The following RFX3 variants were observed in gnomAD, a reference collection of about 807,000 sequenced individuals.
RFX3 encodes the protein regulatory factor X3, also known as transcription factor RFX3.
In RFX3, 14 loss-of-function variants were observed where a neutral mutation model predicts 98.6. That is an observed-to-expected ratio of 0.14 (90% CI 0.09 to 0.22). RFX3 has a LOEUF of 0.22. Among genes scored for constraint, RFX3 ranks in the 10% least tolerant of loss-of-function variants. RFX3 has a pLI of 1.00. For synonymous variants in RFX3, 383 were observed against 328.4 expected, an observed-to-expected ratio of 1.17 and a Z score of -1.80; for missense variants, 639 against 926.9, an observed-to-expected ratio of 0.69 and a Z score of 4.03.
chr9:3,227,708 A>G (rs1233652600), intron 16 of RFX3, among the ~76,000 whole-genome samples: 1 of 152,178 alleles, frequency 6.6e-6, no homozygotes, highest in African/African-American at 2.4e-5. Flanking sequence ...TGGGACACGG[A>G]TATCAATTAC....
At chr9:3,513,708 C>T (rs1012424546) in intron 1 of RFX3, among the ~76,000 whole-genome samples, 1 of 152,168 alleles carries the variant, frequency 6.6e-6, no homozygotes, top group Non-Finnish European at 1.5e-5. Context: ...ACAAATTACT[C>T]TGATCTGTAT....
chr9:3,414,479 T>C (rs149541571), intron 1 of RFX3, among the ~76,000 whole-genome samples: 176 of 151,162 alleles, frequency 1.2e-3, no homozygotes, highest in African/African-American at 3.9e-3. Context: ...TAAATACCAC[T>C]AACATATATA....
At chr9:3,497,899 C>G (rs1037183785) in intron 1 of RFX3, among the ~76,000 whole-genome samples, 1 of 151,872 alleles carries the variant, frequency 6.6e-6, no homozygotes, top group Admixed American at 6.6e-5. Context: ...TCACAAATAC[C>G]TAATTTCTGC....
At chr9:3,499,409 C>T (rs554904767) in intron 1 of RFX3, among the ~76,000 whole-genome samples, 10 of 151,952 alleles carry the variant, frequency 6.6e-5, no homozygotes, top group African/African-American at 2.4e-4. Context: ...TTTTTCATCA[C>T]TTTTGGACAG....
Position 3,242,522 on chromosome 9 carries a change from T to C in RFX3, c.1968+5510A>G, listed in dbSNP as rs145401798. Among the ~76,000 whole-genome samples the C allele has an allele frequency of 6.3e-3, 956 of 152,270 alleles. 19 individuals carry two copies. The highest frequency in any genetic ancestry group is 4.5e-3 in the Non-Finnish European group (307 of 67,986). ...TTTAAAGTGTATTCCCTAGTCACACTAGCACAATGCTTGCTAAAATTTGTT... is the reference window on the plus strand; with the variant it reads ...TTTAAAGTGTATTCCCTAGTCACACCAGCACAATGCTTGCTAAAATTTGTT... On this transcript the variant is annotated intron_variant, in intron 15 of 16. Transcript: ENST00000617270.
intron 4 of RFX3, 120 bp from the exon 5 acceptor site, chr9:3,301,740 G>C (rs541521399): frequency 3.2e-6 from 2 of 623,512 alleles, no homozygotes; most frequent in Non-Finnish European, 5.6e-6. Context: ...TTAATGAACA[G>C]TTGCCACTTA....
At position 3,259,383 on chromosome 9, in the gene RFX3, A is replaced by C. The variant is rs571872246; in HGVS notation, c.1606-2184T>G. Reference sequence around the variant, plus strand: ...ACTTTATATTATACTTCATTTTACTACTCTCTAAAGTGAAAATATACTAAC... The same window carrying C: ...ACTTTATATTATACTTCATTTTACTCCTCTCTAAAGTGAAAATATACTAAC... On this transcript the variant is annotated intron_variant, in intron 13 of 16. Coordinates refer to ENST00000617270, the MANE Select transcript of RFX3 (RefSeq NM_001282116.2). Among the ~76,000 whole-genome samples, 5 of 152,006 alleles carry C rather than the reference A, an allele frequency of 3.3e-5. No individual in the cohort carries two copies. In the South Asian group the frequency reaches 1.0e-3, roughly 32 times the overall value.
At chr9:3,489,393 T>A in intron 1 of RFX3, 1 of 983,868 alleles carries the variant, frequency 1.0e-6, no homozygotes, top group Non-Finnish European at 1.2e-6. Flanking sequence ...GTGGAAGGCC[T>A]GTCTTTAAAG....
In RFX3 at chr9:3,522,717, C is replaced by T. The variant is rs145309495; in HGVS notation, c.-9+3030G>A. On this transcript the variant is annotated intron_variant, in intron 1 of 16. Transcript: ENST00000617270. ...TGCTAATTTCTTCAGCTGGAGAATACCAACACAATATCAACTTTCTCAAGA... is the reference window on the plus strand; with the variant it reads ...TGCTAATTTCTTCAGCTGGAGAATATCAACACAATATCAACTTTCTCAAGA... 2.5e-3 allele frequency among the ~76,000 whole-genome samples: 375 copies of T among 152,162 alleles called. 5 individuals carry two copies. Among genetic ancestry groups the T allele is most frequent in the Admixed American group, 2.9e-3 (45 of 15,284 alleles).
intron 2 of RFX3, among the ~76,000 whole-genome samples, chr9:3,374,026 C>A (rs1048170148): frequency 6.6e-6 from 1 of 151,830 alleles, no homozygotes; most frequent in South Asian, 2.1e-4. Context: ...TGCAGTGAGT[C>A]GAGATGGCAC....
At chr9:3,329,737 TTAA>T (rs897774862) in intron 4 of RFX3, among the ~76,000 whole-genome samples, 1 of 152,150 alleles carries the variant, frequency 6.6e-6, no homozygotes, top group African/African-American at 2.4e-5. Context: ...ACATATTAAG[TTAA>T]TAATAATACA....
At chr9:3,290,651 T>C (rs1563869745) in intron 6 of RFX3, among the ~76,000 whole-genome samples, 1 of 152,218 alleles carries the variant, frequency 6.6e-6, no homozygotes, top group African/African-American at 2.4e-5. Context: ...GACAATCACA[T>C]TCTTCAGTTT....
At chr9:3,388,262 A>G (rs1839930673) in intron 2 of RFX3, among the ~76,000 whole-genome samples, 1 of 152,138 alleles carries the variant, frequency 6.6e-6, no homozygotes, top group South Asian at 2.1e-4. Context: ...CCTAAAGATT[A>G]ACAGATCATT....
In RFX3 at chr9:3,423,666, A is replaced by G. The variant is rs112114256; in HGVS notation, c.-8-28070T>C. Among the ~76,000 whole-genome samples the G allele has an allele frequency of 7.4e-3, 1,122 of 151,766 alleles. 11 individuals carry two copies. The highest frequency in any genetic ancestry group is 0.026 in the African/African-American group (1,067 of 41,440). On this transcript the variant is annotated intron_variant, in intron 1 of 16. Transcript: ENST00000617270. The stretch of plus-strand genomic sequence containing the variant: ...TGGGTACAAGGGAGCTTCGGGAAGT[A>G]TAAAAATGTTCTACAACTTGATTAT...
At chr9:3,257,860 C>A (rs1284693538) in intron 13 of RFX3, among the ~76,000 whole-genome samples, 1 of 152,142 alleles carries the variant, frequency 6.6e-6, no homozygotes, top group Admixed American at 6.6e-5. Flanking sequence ...AAAATGTAGA[C>A]GTGCTTCCTG....
intron 2 of RFX3, among the ~76,000 whole-genome samples, chr9:3,392,801 CA>C (rs1373992369): frequency 6.6e-6 from 1 of 151,954 alleles, no homozygotes; most frequent in Non-Finnish European, 1.5e-5. Flanking sequence ...GGCAATCCTG[CA>C]AACTAGAAGA....
intron 2 of RFX3, among the ~76,000 whole-genome samples, chr9:3,358,058 T>C (rs1185089759): frequency 6.6e-6 from 1 of 152,036 alleles, no homozygotes; most frequent in African/African-American, 2.4e-5. Context: ...GTGGAAAAAT[T>C]GGTTAATTTG....
chr9:3,493,087 G>C (rs1850840150), intron 1 of RFX3, among the ~76,000 whole-genome samples: 1 of 152,062 alleles, frequency 6.6e-6, no homozygotes, highest in Admixed American at 6.6e-5. Flanking sequence ...GAGGGTCCTA[G>C]CATGGTGCCA....
In RFX3 at chr9:3,417,008, CAGAT is replaced by C. The variant is rs1456382492; in HGVS notation, c.-8-21416_-8-21413del. On this transcript the variant is annotated intron_variant, in intron 1 of 16. Transcript: ENST00000617270. ...CAAGAAATGCACTTTAAATATGACA[CAGAT>C]AGATTAAAATTAAAATGATATAAAA... is the stretch of plus-strand genomic sequence containing the variant. Among the ~76,000 whole-genome samples, 5 of 151,726 alleles carry C rather than the reference CAGAT, an allele frequency of 3.3e-5. No homozygotes were observed. In the East Asian group the frequency reaches 5.8e-4, roughly 18 times the overall value.
Sources: allele counts gnomAD v4.1 joint callset (sites outside exome capture counted in the v4.1 genomes callset), GRCh38; gene constraint gnomAD v4.1.1; transcripts MANE v1.5; gene names NCBI Gene and HGNC (gene_info 2026-07-23, HGNC 2026-07-21).